Variants in HACD4 observed in about 807,000 individuals in gnomAD.
HACD4 encodes very-long-chain (3R)-3-hydroxyacyl-CoA dehydratase 4.
Under a neutral mutation model 33.3 loss-of-function variants are expected in HACD4, and 35 were observed. That is an observed-to-expected ratio of 1.05 (90% CI 0.80 to 1.39). The LOEUF (loss-of-function observed/expected upper bound fraction) is 1.39. Among genes scored for constraint, HACD4 ranks in the 40% most tolerant of loss-of-function variants. The probability of loss-of-function intolerance (pLI) is 0.00; values close to 1 mark genes in which losing one functional copy is unlikely to be tolerated. For synonymous variants in HACD4, 118 were observed against 98.0 expected (o/e 1.20, Z -1.21); for missense variants, 323 against 276.5 (o/e 1.17, Z -1.19).
At chr9:21,012,269 T>C (rs1490524361) in intron 4 of HACD4, among the ~76,000 whole-genome samples, 2 of 152,178 alleles carry the variant, frequency 1.3e-5, no homozygotes, top group Non-Finnish European at 2.9e-5. Flanking sequence ...GTTTTTAGGC[T>C]TGAGCATATA....
Position 21,007,019 on chromosome 9 carries a change from A to T in HACD4, c.*18T>A. The stretch of plus-strand genomic sequence containing the variant: ...TCCACAGCCTGTCTTTTCTCGTGTC[A>T]CACTGGAATGCTGTACTTCACATCT... On this transcript the variant is annotated 3_prime_UTR_variant, in exon 7 of 7. Transcript: ENST00000495827. 1 of 1,401,026 alleles carries T rather than the reference A, an allele frequency of 7.1e-7. No homozygotes were observed. The highest frequency in any genetic ancestry group is 2.3e-5 in the East Asian group (1 of 43,850). 86.8% of individuals were successfully genotyped at this position (1,401,026 alleles called of 1,614,324 possible). A position where few individuals can be genotyped will look rare whatever the true frequency, so the allele number is the denominator to read the frequency against.
rs17759672 is a variant in HACD4, at chr9:21,007,760, A to C, written c.616+261T>G. Among the ~76,000 whole-genome samples the C allele has an allele frequency of 2.3e-3, 351 of 152,280 alleles. 10 individuals are homozygous for C. The East Asian group carries it at 0.044, about 19-fold the overall frequency. ...ACCTGTGCACATGGTCAAAACTTCT[A>C]TATCTCATACATAATGCAGCTATAT... On this transcript the variant is annotated intron_variant, in intron 6 of 6. Coordinates refer to ENST00000495827, the MANE Select transcript of HACD4 (RefSeq NM_001010915.5).
At chr9:21,014,798 T>A (rs1842517722) in intron 4 of HACD4, among the ~76,000 whole-genome samples, 1 of 152,208 alleles carries the variant, frequency 6.6e-6, no homozygotes, top group South Asian at 2.1e-4. Flanking sequence ...GAGGTGGGTT[T>A]CATCTAGAGA....
rs777288585 is a variant in HACD4, at chr9:21,001,286, G to A, written c.*5751C>T. The A allele has an allele frequency of 3.9e-5, 6 of 151,958 alleles. No homozygotes were observed. The highest frequency in any genetic ancestry group is 5.9e-5 in the Non-Finnish European group (4 of 67,944). 9.4% of individuals were successfully genotyped at this position (151,958 alleles called of 1,614,324 possible). A position where few individuals can be genotyped will look rare whatever the true frequency, so the allele number is the denominator to read the frequency against. ...AAGAAATTCAAGAGCTGGAAAGTACGATAATTGAAATGAAAAACTCACTAG... is the reference window on the plus strand; with the variant it reads ...AAGAAATTCAAGAGCTGGAAAGTACAATAATTGAAATGAAAAACTCACTAG... On this transcript the variant is annotated 3_prime_UTR_variant, in exon 7 of 7. Transcript: ENST00000495827.
At chr9:21,014,361 G>C (rs1225793893) in intron 4 of HACD4, among the ~76,000 whole-genome samples, 1 of 152,136 alleles carries the variant, frequency 6.6e-6, no homozygotes, top group African/African-American at 2.4e-5. Flanking sequence ...GTAAATCAAT[G>C]CAATAGAATT....
rs199788138 is a variant in HACD4, at chr9:21,014,700, T to C, written c.383+1198A>G. Among the ~76,000 whole-genome samples, 8 of 152,288 alleles carry C rather than the reference T, an allele frequency of 5.3e-5. No homozygotes were observed. The East Asian group carries it at 1.5e-3, about 29-fold the overall frequency. On this transcript the variant is annotated intron_variant, in intron 4 of 6. Transcript: ENST00000495827. Reference sequence around the variant, plus strand: ...TTGTATTTTAAAAGGGTGAATTTTATGGTATATAAATTATATCTTAATAAA... The same window carrying C: ...TTGTATTTTAAAAGGGTGAATTTTACGGTATATAAATTATATCTTAATAAA...
chr9:21,007,253 A>C, intron 6 of HACD4, 134 bp from the exon 7 acceptor site: 1 of 617,746 alleles, frequency 1.6e-6, no homozygotes. Flanking sequence ...GTGAGAAGGA[A>C]TGTTTAAAGA....
intron 3 of HACD4, among the ~76,000 whole-genome samples, chr9:21,023,050 G>A (rs1817963816): frequency 6.6e-6 from 1 of 152,128 alleles, no homozygotes; most frequent in Non-Finnish European, 1.5e-5. Context: ...AAAAAATGAT[G>A]AGTTCATGTC....
At chr9:21,017,053 C>A (rs904624828) in intron 3 of HACD4, among the ~76,000 whole-genome samples, 1 of 152,056 alleles carries the variant, frequency 6.6e-6, no homozygotes, top group African/African-American at 2.4e-5. Flanking sequence ...TTTACTTGCT[C>A]TTAATGGTCA....
intron 3 of HACD4, among the ~76,000 whole-genome samples, chr9:21,022,195 C>G (rs551774444): frequency 1.3e-5 from 2 of 152,282 alleles, no homozygotes; most frequent in East Asian, 1.9e-4. Context: ...GAAACTGAAT[C>G]CCTTCCTTAA....
At position 21,007,006 on chromosome 9, in the gene HACD4, CT is replaced by C; in HGVS notation, c.*30del. 8.1e-7 allele frequency: 1 copy of C among 1,239,266 alleles called. No homozygotes were observed. The highest frequency in any genetic ancestry group is 1.2e-5 in the South Asian group (1 of 83,458). 76.8% of individuals were successfully genotyped at this position (1,239,266 alleles called of 1,614,324 possible). On this transcript the variant is annotated 3_prime_UTR_variant, in exon 7 of 7. Coordinates refer to ENST00000495827, the MANE Select transcript of HACD4 (RefSeq NM_001010915.5). ...TTACTGCACTGAATCCACAGCCTGT[CT>C]TTTCTCGTGTCACACTGGAATGCTG...
At chr9:21,016,790 T>C (rs973178888) in intron 3 of HACD4, among the ~76,000 whole-genome samples, 3 of 151,716 alleles carry the variant, frequency 2.0e-5, no homozygotes, top group Non-Finnish European at 2.9e-5. Flanking sequence ...AGCTTTTTTT[T>C]TTCTTTTTTT....
Position 21,005,182 on chromosome 9 carries a change from G to A in HACD4, c.*1855C>T, listed in dbSNP as rs1199519284. 2 of 152,156 alleles carry A rather than the reference G, an allele frequency of 1.3e-5. No individual in the cohort carries two copies. The highest frequency in any genetic ancestry group is 2.9e-5 in the Non-Finnish European group (2 of 68,030). The allele number at this position is 152,156 out of a possible 1,614,324, so 9.4% of individuals were successfully genotyped here. A position where few individuals can be genotyped will look rare whatever the true frequency, so the allele number is the denominator to read the frequency against. On this transcript the variant is annotated 3_prime_UTR_variant, in exon 7 of 7. Coordinates refer to ENST00000495827, the MANE Select transcript of HACD4 (RefSeq NM_001010915.5). This position sits in a 1 kb window ranked among gnomAD's most constrained non-coding sequence, Gnocchi z 4.0. ...TGTGGAAAGTAAAATTGTGAGCCATGAAATTAGATATTGAACTGAAGAGAT... is the reference window on the plus strand; with the variant it reads ...TGTGGAAAGTAAAATTGTGAGCCATAAAATTAGATATTGAACTGAAGAGAT...
rs773086455 is a variant in HACD4 at position 21,029,439 on chromosome 9, A to G, written c.39-41T>C. 1.3e-5 allele frequency: 17 copies of G among 1,267,908 alleles called. No individual in the cohort carries two copies. The South Asian group carries it at 1.5e-4, about 12-fold the overall frequency. 78.5% of individuals were successfully genotyped at this position (1,267,908 alleles called of 1,614,324 possible). On this transcript the variant is annotated intron_variant, in intron 1 of 6. Transcript: ENST00000495827. ...AATACCATTAAACACTTCTTTTATAATCATCCTTTCATCACTGTACACATG... is the reference window on the plus strand; with the variant it reads ...AATACCATTAAACACTTCTTTTATAGTCATCCTTTCATCACTGTACACATG...
intron 1 of HACD4, among the ~76,000 whole-genome samples, chr9:21,031,083 G>C (rs1276622287): frequency 2.0e-5 from 3 of 152,150 alleles, no homozygotes; most frequent in Admixed American, 6.5e-5. Context: ...GCTTGTATCA[G>C]AATTACCTGG....
At chr9:21,008,270 A>T (rs557694862) in intron 5 of HACD4, 124 bp from the exon 6 acceptor site, 6 of 853,438 alleles carry the variant, frequency 7.0e-6, no homozygotes, top group Admixed American at 6.2e-5. Context: ...ATAGTTGCTG[A>T]ATCTTTTTGC....
At chr9:21,026,140 T>C (rs1395364256) in intron 3 of HACD4, among the ~76,000 whole-genome samples, 5 of 152,214 alleles carry the variant, frequency 3.3e-5, no homozygotes, top group Non-Finnish European at 5.9e-5. Context: ...AAGCCTTTTG[T>C]TTTTTAATCA....
chr9:21,014,529 A>G (rs1471913546), intron 4 of HACD4, among the ~76,000 whole-genome samples: 1 of 152,184 alleles, frequency 6.6e-6, no homozygotes, highest in African/African-American at 2.4e-5. Context: ...TAGAGACAGC[A>G]TATGTGTAGT....
chr9:21,005,930 C>T lies in HACD4; in HGVS notation c.*1107G>A, dbSNP rs1587822067. 2 of 152,320 alleles carry T rather than the reference C, an allele frequency of 1.3e-5. No individual in the cohort carries two copies. The highest frequency in any genetic ancestry group is 4.1e-4 in the South Asian group (2 of 4,826). 9.4% of individuals were successfully genotyped at this position (152,320 alleles called of 1,614,324 possible). The stretch of plus-strand genomic sequence containing the variant: ...GTCCCACCATTGTACTGTGGAAGCA[C>T]ATAACTTGTTTCATTTCACAAGTTC... On this transcript the variant is annotated 3_prime_UTR_variant, in exon 7 of 7. Transcript: ENST00000495827. The surrounding 1 kb of genome is among the most constrained non-coding windows in gnomAD (Gnocchi z 4.0).
Sources: gnomAD v4.1 joint callset for allele counts (sites outside exome capture counted in the v4.1 genomes callset) on GRCh38, gnomAD v4.1.1 for gene constraint, Gnocchi (gnomAD v3.1) non-coding constraint, MANE v1.5 for transcripts, NCBI Gene and HGNC (gene_info 2026-07-23, HGNC 2026-07-21) for gene names.